Variants in SNRPN observed in about 807,000 individuals in gnomAD.
The protein encoded by SNRPN is small nuclear ribonucleoprotein polypeptide N.
A neutral mutation model predicts 25.2 loss-of-function variants in SNRPN; 7 were observed. The ratio of observed to expected loss-of-function variants is 0.28; its 90% CI spans 0.16 to 0.52. The LOEUF is 0.52. Ranked by LOEUF, SNRPN falls within the 20% of genes least tolerant of loss-of-function variation. The probability of loss-of-function intolerance (pLI) is 0.96; values close to 1 mark genes in which losing one functional copy is unlikely to be tolerated. For missense variants in SNRPN, 196 were observed against 322.5 expected (o/e 0.61, Z 3.00); for synonymous variants, 124 against 110.6 (o/e 1.12, Z -0.76).
intron 3 of SNRPN, among the ~76,000 whole-genome samples, chr15:24,970,448 G>C (rs1267113446): frequency 1.3e-5 from 2 of 151,866 alleles, no homozygotes; most frequent in Admixed American, 1.3e-4. Context: ...GTGTAGTGGG[G>C]GACACCTGTA....
At position 24,975,427 on chromosome 15, in the gene SNRPN, C is replaced by T. The variant is rs780552612; in HGVS notation, c.73C>T (p.Arg25Ter). The T allele has an allele frequency of 6.2e-7, 1 of 1,612,926 alleles. No homozygotes were observed. Among genetic ancestry groups the T allele is most frequent in the Non-Finnish European group, 8.5e-7 (1 of 1,179,030 alleles). Residue 25 changes from arginine to a stop codon, truncating the protein, a stop_gained, in exon 5 of 10, where the codon CGA becomes TGA. Transcript: ENST00000390687. LOFTEE classifies it high-confidence loss of function. ...YRMRCILQDGRIFIGTFKAFD... is the reference protein window; with the variant it reads ...YRMRCILQDG ...AATGAGATGTATCCTGCAAGATGGC[C>T]GAATCTTCATTGGCACCTTTAAGGC...
intron 2 of SNRPN, among the ~76,000 whole-genome samples, chr15:24,894,186 C>T (rs904066868): frequency 5.3e-5 from 8 of 152,200 alleles, no homozygotes; most frequent in Admixed American, 2.6e-4. Flanking sequence ...ACAACTTGTA[C>T]GCCCCATCAA....
intron 3 of SNRPN, among the ~76,000 whole-genome samples, chr15:24,936,712 A>G (rs890075094): frequency 6.6e-6 from 1 of 152,026 alleles, no homozygotes; most frequent in African/African-American, 2.4e-5. Context: ...ACACTTTCAG[A>G]CAACCAGATC....
Position 24,922,955 on chromosome 15 carries a change from G to C in SNRPN, c.-391+2831G>C, listed in dbSNP as rs143082192. On this transcript the variant is annotated intron_variant, in intron 3 of 11. Coordinates refer to the SNRPN transcript ENST00000400097. ...CTCGCTCTATTGCTCAAGCTGGATG[G>C]AGTGCAGTGGCGCAATCTCAGCTCA... 5.2e-3 allele frequency among the ~76,000 whole-genome samples: 645 copies of C among 124,868 alleles called. 4 individuals are homozygous for C. The highest frequency in any genetic ancestry group is 0.019 in the African/African-American group (610 of 32,064). 81.9% of individuals were successfully genotyped at this position (124,868 alleles called of 152,430 possible). A position where few individuals can be genotyped will look rare whatever the true frequency, so the allele number is the denominator to read the frequency against.
rs2052445932 is a variant in SNRPN at position 24,848,331 on chromosome 15, T to C, written c.-579+18426T>C. The C allele has an allele frequency of 2.0e-5, 3 of 150,536 alleles. No individual in the cohort carries two copies. The South Asian group carries it at 5.4e-4, about 27-fold the overall frequency. 9.3% of individuals were successfully genotyped at this position (150,536 alleles called of 1,614,324 possible). ...ATTCGGTGTTGCCCTTTCCCCCTGC[T>C]ATTTCCGTTTCCGCGCTTCAAGCGG... is the stretch of plus-strand genomic sequence containing the variant. On this transcript the variant is annotated intron_variant, in intron 2 of 12. Coordinates refer to the SNRPN transcript ENST00000400100.
At chr15:24,952,862 G>A (rs553654929), upstream of SNRPN, among the ~76,000 whole-genome samples, 21 of 151,982 alleles carry the variant, frequency 1.4e-4, no homozygotes, top group Non-Finnish European at 2.8e-4. Flanking sequence ...AAAGAAACAT[G>A]ATTATAATGT....
intron 3 of SNRPN, among the ~76,000 whole-genome samples, chr15:24,922,827 C>T (rs1020208360): frequency 1.4e-5 from 2 of 144,522 alleles, no homozygotes; most frequent in Non-Finnish European, 3.0e-5. Flanking sequence ...ATGCATATCA[C>T]TATAGGTATA....
chr15:24,876,673 C>G (rs928025663), intron 1 of SNRPN, among the ~76,000 whole-genome samples: 2 of 150,340 alleles, frequency 1.3e-5, no homozygotes, highest in African/African-American at 4.9e-5. Context: ...CTGTTGAAAT[C>G]CACAAAATGC....
At chr15:24,949,129 C>T (rs1402598446) in intron 3 of SNRPN, among the ~76,000 whole-genome samples, 3 of 148,348 alleles carry the variant, frequency 2.0e-5, no homozygotes, top group African/African-American at 4.9e-5. Flanking sequence ...TCAAGTGATC[C>T]TCCTGCCTCA....
chr15:24,913,162 A>T (rs902421557), intron 2 of SNRPN, among the ~76,000 whole-genome samples: 1 of 151,610 alleles, frequency 6.6e-6, no homozygotes. Context: ...CTGATCTCGA[A>T]CCCCTGACCT....
intron 1 of SNRPN, among the ~76,000 whole-genome samples, chr15:24,825,334 T>C (rs2050007567): frequency 6.6e-6 from 1 of 151,760 alleles, no homozygotes; most frequent in African/African-American, 2.4e-5. Context: ...AGATAGATAA[T>C]GGTATTTATG....
At position 24,978,665 on chromosome 15, in the gene SNRPN, A is replaced by T; in HGVS notation, c.*221A>T. 1 of 580,852 alleles carries T rather than the reference A, an allele frequency of 1.7e-6. No homozygotes were observed. Among genetic ancestry groups the T allele is most frequent in the South Asian group, 2.3e-5 (1 of 43,558 alleles). The allele number at this position is 580,852 out of a possible 1,614,324, so 36.0% of individuals were successfully genotyped here. ...TGGATGAGGGTGATGCCTATTAAGC[A>T]GTTGATTCAAATCATATTCTCTTTA... On this transcript the variant is annotated 3_prime_UTR_variant, in exon 10 of 10. Coordinates refer to ENST00000390687, the MANE Select transcript of SNRPN (RefSeq NM_003097.6).
At chr15:24,912,329 A>G (rs944310587) in intron 2 of SNRPN, 2 of 152,092 alleles carry the variant, frequency 1.3e-5, no homozygotes, top group Non-Finnish European at 2.9e-5. Context: ...CAACCATTGT[A>G]TTTTGGAAAC....
intron 1 of SNRPN, among the ~76,000 whole-genome samples, chr15:24,861,302 G>C (rs1032325862): frequency 5.9e-5 from 9 of 152,138 alleles, no homozygotes; most frequent in Admixed American, 5.9e-4. Flanking sequence ...TTGCTCCCAA[G>C]CTATAAGCCT....
At chr15:24,930,422 T>G (rs2060736080) in intron 3 of SNRPN, among the ~76,000 whole-genome samples, 1 of 151,652 alleles carries the variant, frequency 6.6e-6, no homozygotes, top group South Asian at 2.1e-4. Flanking sequence ...GATTATTGCC[T>G]TCAGAAATCT....
At chr15:24,894,377 C>A (rs1328525501) in intron 2 of SNRPN, among the ~76,000 whole-genome samples, 4 of 152,188 alleles carry the variant, frequency 2.6e-5, no homozygotes, top group Non-Finnish European at 5.9e-5. Context: ...CGCCACCACG[C>A]CTGGCTAATT....
intron 2 of SNRPN, among the ~76,000 whole-genome samples, chr15:24,966,126 C>T (rs1665829899): frequency 6.6e-6 from 1 of 152,150 alleles, no homozygotes; most frequent in Non-Finnish European, 1.5e-5. Flanking sequence ...ACATTCCCCT[C>T]AATGCAGACA....
chr15:24,901,238 A>G (rs776227484), intron 2 of SNRPN, among the ~76,000 whole-genome samples: 14 of 152,236 alleles, frequency 9.2e-5, no homozygotes, highest in Non-Finnish European at 1.8e-4. Flanking sequence ...ACTTTGCCAA[A>G]GACACAATGT....
chr15:24,904,860 G>A (rs1354435271), intron 2 of SNRPN, among the ~76,000 whole-genome samples: 5 of 145,264 alleles, frequency 3.4e-5, no homozygotes, highest in Admixed American at 7.0e-5. Flanking sequence ...GGAGAAAGGC[G>A]TGAACCCGGG....
Sources: allele counts gnomAD v4.1 joint callset (sites outside exome capture counted in the v4.1 genomes callset), GRCh38; gene constraint gnomAD v4.1.1; transcripts MANE v1.5; gene names NCBI Gene and HGNC (gene_info 2026-07-23, HGNC 2026-07-21).